Variants in TAS2R1 observed in about 807,000 individuals in gnomAD.
TAS2R1 encodes the protein taste 2 receptor member 1, also known as taste receptor type 2 member 1.
For synonymous variants in TAS2R1, 141 were observed against 134.2 expected (o/e 1.05, Z -0.35); for missense variants, 370 against 353.4 (o/e 1.05, Z -0.38).
the TAS2R1 span, among the ~76,000 whole-genome samples, chr5:9,726,225 A>T: frequency 5.9e-5 from 9 of 152,260 alleles, no homozygotes; most frequent in Non-Finnish European, 5.9e-5. Context: ...GACACTCTGT[A>T]TCTAGCTACT....
chr5:9,819,292 C>A, the TAS2R1 span, among the ~76,000 whole-genome samples: 1 of 152,162 alleles, frequency 6.6e-6, no homozygotes, highest in Non-Finnish European at 1.5e-5. Context: ...CTCGAGGTCA[C>A]CATCGCTCAG....
chr5:9,681,490 T>A (rs562466814), intron 1 of TAS2R1, among the ~76,000 whole-genome samples: 3 of 130,280 alleles, frequency 2.3e-5, no homozygotes, highest in African/African-American at 8.8e-5. Context: ...CCTTTCCAAC[T>A]CACACCTGTT....
At chr5:9,772,236 T>C in the TAS2R1 span, among the ~76,000 whole-genome samples, 1,494 of 152,232 alleles carry the variant, frequency 9.8e-3, 26 homozygotes, top group African/African-American at 0.034. Context: ...CATTTTTCAA[T>C]TTCCTTCTTA....
the TAS2R1 span, among the ~76,000 whole-genome samples, chr5:9,768,651 C>T: frequency 6.6e-6 from 1 of 152,182 alleles, no homozygotes; most frequent in Admixed American, 6.5e-5. Context: ...TTGGCCAGTG[C>T]CCTCAAAACT....
intron 1 of TAS2R1, among the ~76,000 whole-genome samples, chr5:9,673,025 G>A (rs937142968): frequency 2.0e-5 from 3 of 152,216 alleles, no homozygotes; most frequent in Non-Finnish European, 2.9e-5. Context: ...ATTACCCTAA[G>A]CAAACTAATG....
chr5:9,699,399 A>C (rs578168924), intron 1 of TAS2R1, among the ~76,000 whole-genome samples: 1 of 152,162 alleles, frequency 6.6e-6, no homozygotes, highest in Non-Finnish European at 1.5e-5. Context: ...TCGAAGGACG[A>C]TTTATTCTTC....
the TAS2R1 span, among the ~76,000 whole-genome samples, chr5:9,832,753 A>T: frequency 7.2e-5 from 11 of 152,376 alleles, no homozygotes; most frequent in South Asian, 1.2e-3. Context: ...CCCATAATAC[A>T]ATTGAAGCAC....
chr5:9,740,582 T>C, the TAS2R1 span, among the ~76,000 whole-genome samples: 1 of 152,222 alleles, frequency 6.6e-6, no homozygotes, highest in Admixed American at 6.5e-5. Flanking sequence ...TGCATTGTGA[T>C]GTCCATTAAA....
chr5:9,680,374 A>G (rs76188556), intron 1 of TAS2R1, among the ~76,000 whole-genome samples: 5,766 of 152,270 alleles, frequency 0.038, 154 homozygotes, highest in African/African-American at 0.079. Flanking sequence ...TACTCCCGAA[A>G]GTGTGAGTTG....
At chr5:9,707,344 G>A (rs1741637365) in intron 1 of TAS2R1, among the ~76,000 whole-genome samples, 2 of 152,144 alleles carry the variant, frequency 1.3e-5, no homozygotes, top group Admixed American at 6.5e-5. Context: ...ACAAAGGCAG[G>A]CTACGCCCAT....
rs1233570754 is a variant in TAS2R1 at position 9,629,109 on chromosome 5, C to A, written c.*24G>T. ...TGGGTAAATCATTGAATCATGGGTTCTTTGAACTGATCCAACTTCTCTCTC... is the reference window on the plus strand; with the variant it reads ...TGGGTAAATCATTGAATCATGGGTTATTTGAACTGATCCAACTTCTCTCTC... On this transcript the variant is annotated 3_prime_UTR_variant, in exon 1 of 1. Coordinates refer to ENST00000382492, the MANE Select transcript of TAS2R1 (RefSeq NM_019599.3). The A allele has an allele frequency of 6.6e-7, 1 of 1,525,494 alleles. No homozygotes were observed. Among genetic ancestry groups the A allele is most frequent in the South Asian group, 1.3e-5 (1 of 74,810 alleles). The allele number at this position is 1,525,494 out of a possible 1,614,324, so 94.5% of individuals were successfully genotyped here.
the TAS2R1 span, among the ~76,000 whole-genome samples, chr5:9,876,972 C>T: frequency 6.6e-6 from 1 of 152,174 alleles, no homozygotes; most frequent in Admixed American, 6.5e-5. Flanking sequence ...AGGTTGCTCC[C>T]CAAAGTGTCT....
the TAS2R1 span, among the ~76,000 whole-genome samples, chr5:9,820,103 G>C: frequency 6.6e-6 from 1 of 151,902 alleles, no homozygotes; most frequent in African/African-American, 2.4e-5. Flanking sequence ...TGGAGAAAGG[G>C]GAAAAGATGA....
At chr5:9,774,750 G>A in the TAS2R1 span, among the ~76,000 whole-genome samples, 8 of 152,222 alleles carry the variant, frequency 5.3e-5, no homozygotes, top group African/African-American at 1.4e-4. Context: ...ATTACCAGGC[G>A]GAGACTCTTG....
upstream of TAS2R1, chr5:9,712,304 T>G (rs531686374): frequency 9.8e-5 from 15 of 152,348 alleles, no homozygotes; most frequent in African/African-American, 3.4e-4. Flanking sequence ...CTTTGTGACA[T>G]GTCTCCCACT....
the TAS2R1 span, among the ~76,000 whole-genome samples, chr5:9,761,372 C>A: frequency 6.6e-6 from 1 of 150,402 alleles, no homozygotes. Context: ...GGTCAAATAG[C>A]CTAACTAGAG....
chr5:9,779,894 C>T, the TAS2R1 span, among the ~76,000 whole-genome samples: 8 of 152,182 alleles, frequency 5.3e-5, no homozygotes, highest in African/African-American at 1.7e-4. Context: ...TAAAGAGAAG[C>T]ACAATAAAAT....
Position 9,629,385 on chromosome 5 carries a change from C to G in TAS2R1, c.648G>C (p.Arg216Ser), listed in dbSNP as rs749390768. ...RQMRNTVAGSRVPGRGAPISA... is the reference protein window; with the variant it reads ...RQMRNTVAGSSVPGRGAPISA... ...TGATGGGTGCACCCCTGCCAGGAAC[C>G]CTGCTGCCGGCCACTGTGTTTCTCA... is the stretch of plus-strand genomic sequence containing the variant. Residue 216 changes from arginine (R) to serine (S), a missense_variant, in exon 1 of 1, where the codon AGG (arginine) becomes AGC (serine). Arg to Ser is a moderately radical substitution (Grantham distance 110). Transcript: ENST00000382492. The G allele has an allele frequency of 1.2e-6, 2 of 1,614,098 alleles. No homozygotes were observed. The highest frequency in any genetic ancestry group is 1.7e-6 in the Non-Finnish European group (2 of 1,180,018).
the TAS2R1 span, among the ~76,000 whole-genome samples, chr5:9,850,056 T>C: frequency 3.3e-5 from 5 of 152,172 alleles, no homozygotes; most frequent in African/African-American, 1.2e-4. Context: ...GACATGAAAG[T>C]CCCTCAACTA....
Sources: allele counts gnomAD v4.1 joint callset (sites outside exome capture counted in the v4.1 genomes callset), GRCh38; gene constraint gnomAD v4.1.1; transcripts MANE v1.5; gene names NCBI Gene and HGNC (gene_info 2026-07-23, HGNC 2026-07-21).